The following MDFIC variants were observed in gnomAD, a reference collection of about 807,000 sequenced individuals.
The protein encoded by MDFIC is myoD family inhibitor domain-containing protein.
MDFIC carries 17 observed loss-of-function variants against 23.2 expected under a neutral mutation model. The observed-to-expected ratio is 0.73, with a 90% CI of 0.50 to 1.10. The LOEUF is 1.10. MDFIC is among the 50% of genes least tolerant of loss of function. MDFIC has a pLI of 0.00. For synonymous variants in MDFIC, 120 were observed against 115.2 expected, an observed-to-expected ratio of 1.04 and a Z score of -0.27; for missense variants, 356 against 316.6, an observed-to-expected ratio of 1.12 and a Z score of -0.95.
chr7:115,019,855 T>C lies in MDFIC; in HGVS notation c.*3920T>C, dbSNP rs904595289. Among the ~76,000 whole-genome samples the C allele has an allele frequency of 1.1e-4, 17 of 152,270 alleles. No homozygotes were observed. Among genetic ancestry groups the C allele is most frequent in the Admixed American group, 8.5e-4 (13 of 15,270 alleles). The stretch of plus-strand genomic sequence containing the variant: ...GTTTTTATAATCAAGCATTGGGTAT[T>C]AAAAGAGAATCCTTTCAACCCTTCA... On this transcript the variant is annotated 3_prime_UTR_variant, in exon 5 of 5. Transcript: ENST00000393486.
rs10671125 is a variant in MDFIC, at chr7:114,956,358, C to CATAT, written c.217+13971_217+13974dup. On this transcript the variant is annotated intron_variant, in intron 3 of 4. Coordinates refer to ENST00000393486, the MANE Select transcript of MDFIC (RefSeq NM_001166345.3). ...AATATTATATATATATACACACACA[C>CATAT]ATATATATATATACACACACACATA... Among the ~76,000 whole-genome samples the CATAT allele has an allele frequency of 1.7e-3, 251 of 149,620 alleles. 2 individuals carry two copies. In the East Asian group the frequency reaches 0.038, roughly 23 times the overall value.
chr7:114,984,029 T>C (rs1793465471), intron 4 of MDFIC, among the ~76,000 whole-genome samples: 1 of 152,154 alleles, frequency 6.6e-6, no homozygotes. Context: ...AGGTGCATGG[T>C]AAAATTGAGA....
intron 4 of MDFIC, among the ~76,000 whole-genome samples, chr7:115,007,173 C>T (rs1791585866): frequency 6.6e-6 from 1 of 152,008 alleles, no homozygotes; most frequent in African/African-American, 2.4e-5. Context: ...TAGAATGGTC[C>T]GATGTCCGTG....
At chr7:114,930,763 A>T (rs1169841471) in intron 2 of MDFIC, among the ~76,000 whole-genome samples, 4 of 152,236 alleles carry the variant, frequency 2.6e-5, no homozygotes, top group Non-Finnish European at 5.9e-5. Flanking sequence ...TAGAACAACA[A>T]CACATGGAAC....
Position 114,922,641 on chromosome 7 carries a change from G to A in MDFIC, c.-108+5G>A. Reference sequence around the variant, plus strand: ...CGACTACGGGGGGATGCGGAGGTAGGTAGTGGTCTCCGGGCGGGGAAGAGG... The same window carrying A: ...CGACTACGGGGGGATGCGGAGGTAGATAGTGGTCTCCGGGCGGGGAAGAGG... On this transcript the variant is annotated splice_donor_5th_base_variant and intron_variant, in intron 1 of 4. Transcript: ENST00000393486. 7.6e-7 allele frequency: 1 copy of A among 1,308,520 alleles called. No homozygotes were observed. Among genetic ancestry groups the A allele is most frequent in the Non-Finnish European group, 9.8e-7 (1 of 1,024,166 alleles). 81.1% of individuals were successfully genotyped at this position (1,308,520 alleles called of 1,614,324 possible).
chr7:114,944,771 A>T (rs1792613087), intron 3 of MDFIC, among the ~76,000 whole-genome samples: 1 of 152,182 alleles, frequency 6.6e-6, no homozygotes, highest in African/African-American at 2.4e-5. Context: ...TTGTAATAAC[A>T]ATAGGCCCTG....
chr7:114,954,524 G>A (rs1792848845), intron 3 of MDFIC, among the ~76,000 whole-genome samples: 1 of 152,218 alleles, frequency 6.6e-6, no homozygotes, highest in Non-Finnish European at 1.5e-5. Context: ...GAATAAATAT[G>A]TGTTCTCTCA....
At chr7:115,000,326 G>C (rs1400520734) in intron 4 of MDFIC, among the ~76,000 whole-genome samples, 4 of 152,132 alleles carry the variant, frequency 2.6e-5, no homozygotes. Context: ...ATTTGTGTAA[G>C]TGCACTCTCT....
At chr7:114,939,399 T>C (rs1228242343) in intron 2 of MDFIC, among the ~76,000 whole-genome samples, 4 of 152,222 alleles carry the variant, frequency 2.6e-5, no homozygotes, top group Admixed American at 1.3e-4. Flanking sequence ...AGTGAATTAA[T>C]AGTAATTGCA....
chr7:114,932,522 C>G (rs1446122630), intron 2 of MDFIC, among the ~76,000 whole-genome samples: 1 of 152,158 alleles, frequency 6.6e-6, no homozygotes, highest in Non-Finnish European at 1.5e-5. Context: ...AATGTTGAGT[C>G]TGAGTTGCTA....
At chr7:114,952,946 C>T (rs1000784960) in intron 3 of MDFIC, among the ~76,000 whole-genome samples, 5 of 152,188 alleles carry the variant, frequency 3.3e-5, no homozygotes, top group Admixed American at 2.0e-4. Flanking sequence ...GCAGTGGCAA[C>T]AACACCACAC....
chr7:115,007,184 T>C (rs902107756), intron 4 of MDFIC, among the ~76,000 whole-genome samples: 1 of 152,192 alleles, frequency 6.6e-6, no homozygotes, highest in African/African-American at 2.4e-5. Flanking sequence ...GATGTCCGTG[T>C]GGTAATCAGA....
intron 3 of MDFIC, among the ~76,000 whole-genome samples, chr7:114,971,857 GT>G (rs1554474306): frequency 6.6e-6 from 1 of 151,690 alleles, no homozygotes; most frequent in Non-Finnish European, 1.5e-5. Flanking sequence ...TCACATCATA[GT>G]TTTTCTGAAA....
intron 3 of MDFIC, among the ~76,000 whole-genome samples, chr7:114,952,971 G>A (rs1331129773): frequency 6.6e-6 from 1 of 152,142 alleles, no homozygotes; most frequent in East Asian, 1.9e-4. Context: ...CGAATGGTGT[G>A]ATTATTAATA....
At chr7:115,000,500 C>T (rs953775445) in intron 4 of MDFIC, among the ~76,000 whole-genome samples, 4 of 152,166 alleles carry the variant, frequency 2.6e-5, no homozygotes, top group Non-Finnish European at 1.5e-5. Context: ...CTGCTCTTGT[C>T]CCTCGGAATC....
chr7:114,993,018 T>A (rs922645735), intron 4 of MDFIC, among the ~76,000 whole-genome samples: 1 of 152,172 alleles, frequency 6.6e-6, no homozygotes. Context: ...AATTATTGCC[T>A]CAATTTCAGA....
At chr7:114,987,582 TCTG>T (rs1793535841) in intron 4 of MDFIC, among the ~76,000 whole-genome samples, 1 of 152,172 alleles carries the variant, frequency 6.6e-6, no homozygotes, top group Admixed American at 6.5e-5. Context: ...GGTTTAGAAT[TCTG>T]CTTTCCAATG....
intron 3 of MDFIC, among the ~76,000 whole-genome samples, chr7:114,954,410 T>G (rs1792844839): frequency 6.6e-6 from 1 of 152,258 alleles, no homozygotes; most frequent in Non-Finnish European, 1.5e-5. Flanking sequence ...ATGCTTATGC[T>G]GAAACTATGG....
At chr7:114,963,627 G>C (rs1793036011) in intron 3 of MDFIC, among the ~76,000 whole-genome samples, 1 of 152,200 alleles carries the variant, frequency 6.6e-6, no homozygotes. Flanking sequence ...CCAGGCTGGA[G>C]TGCAGTGGCA....
Sources: gnomAD v4.1 joint callset for allele counts (sites outside exome capture counted in the v4.1 genomes callset) on GRCh38, gnomAD v4.1.1 for gene constraint, MANE v1.5 for transcripts, NCBI Gene and HGNC (gene_info 2026-07-23, HGNC 2026-07-21) for gene names.